PSTPIP2: variants seen among roughly 807,000 people sequenced by gnomAD.
The protein encoded by PSTPIP2 is proline-serine-threonine phosphatase interacting protein 2, also known as proline-serine-threonine phosphatase-interacting protein 2.
In PSTPIP2, 33 loss-of-function variants were observed where a neutral mutation model predicts 63.3. The ratio of observed to expected loss-of-function variants is 0.52; its 90% CI spans 0.40 to 0.70. PSTPIP2 has a LOEUF of 0.70. Ranked by LOEUF, PSTPIP2 falls within the 30% of genes least tolerant of loss-of-function variation. PSTPIP2 has a pLI of 0.00. For missense variants in PSTPIP2, 312 were observed against 400.7 expected (o/e 0.78, Z 1.89); for synonymous variants, 125 against 132.7 (o/e 0.94, Z 0.40).
chr18:46,034,901 T>C (rs1488790822), intron 2 of PSTPIP2, among the ~76,000 whole-genome samples: 1 of 152,160 alleles, frequency 6.6e-6, no homozygotes. Flanking sequence ...ATTAATATAA[T>C]CTCATTTAAT....
chr18:46,016,981 A>T (rs2051858727), intron 3 of PSTPIP2, among the ~76,000 whole-genome samples: 1 of 152,198 alleles, frequency 6.6e-6, no homozygotes, highest in Admixed American at 6.6e-5. Flanking sequence ...ATTTATCCAT[A>T]TGTGCCATAT....
At chr18:46,023,123 G>C (rs1041490616) in intron 3 of PSTPIP2, among the ~76,000 whole-genome samples, 16 of 152,150 alleles carry the variant, frequency 1.1e-4, no homozygotes, top group African/African-American at 3.6e-4. Flanking sequence ...AGAGGGTGGA[G>C]GATGGGAAGA....
rs377183897 is a variant in PSTPIP2 at position 46,021,771 on chromosome 18, C to A, written c.212+2838G>T. Among the ~76,000 whole-genome samples, 52 of 144,848 alleles carry A rather than the reference C, an allele frequency of 3.6e-4. 1 individual carries two copies. The South Asian group carries it at 0.011, about 30-fold the overall frequency. On this transcript the variant is annotated intron_variant, in intron 3 of 14. Transcript: ENST00000409746. ...GACCAGCCTGACCAACGTGGTAAAA[C>A]CCTGTCTCTACTAAAAATACAAAAA... is the stretch of plus-strand genomic sequence containing the variant.
intron 2 of PSTPIP2, among the ~76,000 whole-genome samples, chr18:46,036,536 CT>C (rs1252476483): frequency 6.6e-6 from 1 of 152,160 alleles, no homozygotes; most frequent in East Asian, 1.9e-4. Flanking sequence ...TTTTATATGT[CT>C]ACCCTGGATG....
At chr18:46,070,379 G>A (rs1909350461) in intron 1 of PSTPIP2, among the ~76,000 whole-genome samples, 2 of 152,300 alleles carry the variant, frequency 1.3e-5, no homozygotes, top group East Asian at 1.9e-4. Context: ...AGACCTCCCC[G>A]TATCCAGCAT....
intron 2 of PSTPIP2, among the ~76,000 whole-genome samples, chr18:46,032,591 T>C (rs529541140): frequency 1.1e-3 from 168 of 151,508 alleles, no homozygotes; most frequent in African/African-American, 3.9e-3. Context: ...CCATTTCTAC[T>C]AAAAATACAA....
At chr18:45,998,945 G>A (rs2051634800) in intron 7 of PSTPIP2, 106 bp from the exon 8 acceptor site, 1 of 1,199,532 alleles carries the variant, frequency 8.3e-7, no homozygotes, top group South Asian at 1.3e-5. Flanking sequence ...AAGAGACCAG[G>A]TCTAGTGCAA....
At chr18:46,026,991 T>A (rs1432757697) in intron 2 of PSTPIP2, among the ~76,000 whole-genome samples, 1 of 151,996 alleles carries the variant, frequency 6.6e-6, no homozygotes, top group Non-Finnish European at 1.5e-5. Context: ...CAACAAATAA[T>A]TTTTAAAGAA....
At chr18:46,072,055 G>T (rs1909413275) in intron 1 of PSTPIP2, 101 bp downstream of exon 1, 5 of 1,386,486 alleles carry the variant, frequency 3.6e-6, no homozygotes, top group Non-Finnish European at 4.7e-6. Flanking sequence ...CGCGGTCACC[G>T]AGTGGCGCCG....
chr18:46,029,265 T>C (rs1006873127), intron 2 of PSTPIP2: 1 of 1,325,818 alleles, frequency 7.5e-7, no homozygotes, highest in Non-Finnish European at 1.1e-6. Flanking sequence ...CCCAGATGGG[T>C]CCTTCTTGCT....
intron 3 of PSTPIP2, among the ~76,000 whole-genome samples, chr18:46,021,610 C>T (rs892443766): frequency 4.6e-5 from 7 of 151,290 alleles, no homozygotes; most frequent in Non-Finnish European, 7.4e-5. Context: ...CCTGCCAGGG[C>T]CTACATACGA....
intron 6 of PSTPIP2, among the ~76,000 whole-genome samples, chr18:46,002,470 C>T (rs1269965657): frequency 1.3e-5 from 2 of 152,044 alleles, no homozygotes; most frequent in Non-Finnish European, 2.9e-5. Context: ...TTATATTATT[C>T]TGTCTTCCAG....
intron 9 of PSTPIP2, 35 bp downstream of exon 9, chr18:45,997,714 C>G: frequency 1.4e-6 from 1 of 690,930 alleles, no homozygotes; most frequent in Non-Finnish European, 2.4e-6. Context: ...CCCACCCACC[C>G]ACCCCAGTCC....
chr18:46,066,341 T>A (rs1352792637), intron 1 of PSTPIP2, among the ~76,000 whole-genome samples: 1 of 152,126 alleles, frequency 6.6e-6, no homozygotes, highest in East Asian at 1.9e-4. Flanking sequence ...ATAAATAATT[T>A]AATTAAATTA....
At chr18:46,040,612 C>T (rs1908156657) in intron 1 of PSTPIP2, among the ~76,000 whole-genome samples, 1 of 152,190 alleles carries the variant, frequency 6.6e-6, no homozygotes, top group African/African-American at 2.4e-5. Context: ...GCAATAAATG[C>T]CTTTCTTTCT....
chr18:46,025,286 T>C (rs1219629863), intron 2 of PSTPIP2, among the ~76,000 whole-genome samples: 1 of 152,164 alleles, frequency 6.6e-6, no homozygotes, highest in Non-Finnish European at 1.5e-5. Flanking sequence ...CCCTACTTTT[T>C]TCTTCAGATT....
At chr18:46,032,069 G>A (rs1907805244) in intron 2 of PSTPIP2, among the ~76,000 whole-genome samples, 1 of 152,096 alleles carries the variant, frequency 6.6e-6, no homozygotes, top group South Asian at 2.1e-4. Context: ...TGAATAAGTA[G>A]GCCTTTAACT....
Position 46,005,506 on chromosome 18 carries a change from T to A in PSTPIP2, c.380A>T (p.His127Leu). The A allele has an allele frequency of 1.2e-6, 2 of 1,602,068 alleles. No homozygotes were observed. Among genetic ancestry groups the A allele is most frequent in the Non-Finnish European group, 8.5e-7 (1 of 1,170,090 alleles). Residue 127 changes from histidine (H) to leucine (L), a missense_variant, in exon 6 of 15, where the codon CAT (histidine) becomes CTT (leucine). By Grantham distance (99) the His-to-Leu change is moderately conservative. Transcript: ENST00000409746. ...KKTELIMDAI[H>L]KQKSLQFKKT... ...CTTGAATTGTAAGCTCTTTTGTTTA[T>A]GGATAGCATCCATTATGAGCTCTGT...
At position 46,067,202 on chromosome 18, in the gene PSTPIP2, T is replaced by G. The variant is rs1909221517; in HGVS notation, c.33+4954A>C. ...TGGTGTGTTTCTGGGGACCAGATTG[T>G]CAAATTAAATTCGACCTAGGCTGGG... On this transcript the variant is annotated intron_variant, in intron 1 of 14. Transcript: ENST00000409746. 3.3e-5 allele frequency among the ~76,000 whole-genome samples: 5 copies of G among 151,906 alleles called. No individual in the cohort carries two copies. The South Asian group carries it at 1.0e-3, about 32-fold the overall frequency.
Sources: gnomAD v4.1 joint callset for allele counts (sites outside exome capture counted in the v4.1 genomes callset) on GRCh38, gnomAD v4.1.1 for gene constraint, MANE v1.5 for transcripts, NCBI Gene and HGNC (gene_info 2026-07-23, HGNC 2026-07-21) for gene names.